Variants in GRIN3B observed in about 807,000 individuals in gnomAD.
The protein encoded by GRIN3B is glutamate ionotropic receptor NMDA type subunit 3B, also known as glutamate receptor ionotropic, NMDA 3B.
Under a neutral mutation model 66.0 loss-of-function variants are expected in GRIN3B, and 77 were observed. The ratio of observed to expected loss-of-function variants is 1.17; its 90% CI spans 0.97 to 1.41. The LOEUF (loss-of-function observed/expected upper bound fraction) is 1.41. GRIN3B is among the 40% of genes most tolerant of loss of function. The pLI is 0.00. For missense variants in GRIN3B, 1,787 were observed against 1,564.5 expected (o/e 1.14, Z -2.40); for synonymous variants, 823 against 749.7 (o/e 1.10, Z -1.60).
intron 2 of GRIN3B, 128 bp from the exon 3 acceptor site, chr19:1,004,393 A>G (rs2038716765): frequency 2.5e-6 from 2 of 784,608 alleles, no homozygotes; most frequent in East Asian, 2.7e-5. Flanking sequence ...GGACACCAGG[A>G]GCGTCCACGT....
In GRIN3B at chr19:1,000,751, C is replaced by G; in HGVS notation, c.314C>G (p.Ala105Gly). ...LVPPGVAALL[A>G]FPEARPELLQ... ...CCTCCGGGCGTGGCGGCCCTGCTCG[C>G]CTTTCCCGAGGCTCGGCCCGAGCTG... The change falls in exon 1 of 9, where the codon GCC becomes GGC. Residue 105 changes from alanine (A) to glycine (G), a missense_variant. Physicochemically the swap from Ala to Gly is moderately conservative, Grantham distance 60 (BLOSUM62 0). Coordinates refer to ENST00000234389, the MANE Select transcript of GRIN3B (RefSeq NM_138690.3). 1 of 1,446,528 alleles carries G rather than the reference C, an allele frequency of 6.9e-7. No homozygotes were observed. Among genetic ancestry groups the G allele is most frequent in the Non-Finnish European group, 9.1e-7 (1 of 1,104,836 alleles). 89.6% of individuals were successfully genotyped at this position (1,446,528 alleles called of 1,614,324 possible). A position where few individuals can be genotyped will look rare whatever the true frequency, so the allele number is the denominator to read the frequency against.
Position 1,000,557 on chromosome 19 carries a change from C to A in GRIN3B, c.120C>A (p.Gly40=). 1 of 1,100,060 alleles carries A rather than the reference C, an allele frequency of 9.1e-7. No individual in the cohort carries two copies. The highest frequency in any genetic ancestry group is 5.1e-5 in the East Asian group (1 of 19,510). The allele number at this position is 1,100,060 out of a possible 1,614,324, so 68.1% of individuals were successfully genotyped here. A position where few individuals can be genotyped will look rare whatever the true frequency, so the allele number is the denominator to read the frequency against. ...LARLGGSVRL[G]ALLPRAPLAR... ...GCCTCGGGGGCTCCGTGCGCCTGGGCGCCCTCCTGCCCCGCGCGCCTCTCG... is the reference window on the plus strand; with the variant it reads ...GCCTCGGGGGCTCCGTGCGCCTGGGAGCCCTCCTGCCCCGCGCGCCTCTCG... Residue 40 remains glycine (G), a synonymous_variant, in exon 1 of 9, where the codon GGC becomes GGA. Transcript: ENST00000234389.
chr19:1,009,179 C>T lies in GRIN3B; in HGVS notation c.2709C>T (p.Pro903=). The part of the protein sequence containing the change: ...EETAEAEPSG[P]EVEQQQQQQD... ...AGGCCGGTTCCGTCCCCAGCGGCCC[C>T]GAGGTGGAGCAGCAGCAGCAGCAGC... Residue 903 remains proline (P), a synonymous_variant, in exon 9 of 9, where the codon CCC becomes CCT. Transcript: ENST00000234389. 6.1e-6 allele frequency: 9 copies of T among 1,471,026 alleles called. No individual in the cohort carries two copies. Among genetic ancestry groups the T allele is most frequent in the Non-Finnish European group, 7.1e-6 (8 of 1,122,618 alleles). 91.1% of individuals were successfully genotyped at this position (1,471,026 alleles called of 1,614,324 possible).
At position 1,009,383 on chromosome 19, in the gene GRIN3B, C is replaced by T. The variant is rs527728136; in HGVS notation, c.2913C>T (p.Ala971=). 8,421 of 1,387,018 alleles carry T rather than the reference C, an allele frequency of 6.1e-3. 32 individuals are homozygous for T. The highest frequency in any genetic ancestry group is 7.0e-3 in the Non-Finnish European group (7,587 of 1,078,164). 85.9% of individuals were successfully genotyped at this position (1,387,018 alleles called of 1,614,324 possible). A position where few individuals can be genotyped will look rare whatever the true frequency, so the allele number is the denominator to read the frequency against. The change falls in exon 9 of 9, where the codon GCC becomes GCT. Residue 971 remains alanine, a synonymous_variant. Transcript: ENST00000234389. ...VWLCSYGRPP[A]ARPTGAPQPG... is the part of the protein sequence containing the mutation. Reference sequence around the variant, plus strand: ...TGTGCTCCTACGGCCGCCCGCCCGCCGCAAGGCCCACGGGGGCCCCCCAGC... The same window carrying T: ...TGTGCTCCTACGGCCGCCCGCCCGCTGCAAGGCCCACGGGGGCCCCCCAGC...
intron 2 of GRIN3B, 140 bp downstream of exon 2, chr19:1,003,862 G>A (rs958099012): frequency 2.3e-5 from 14 of 601,758 alleles, no homozygotes; most frequent in South Asian, 1.0e-4. Flanking sequence ...CGAGGCGAGC[G>A]GATCACTTGA....
In GRIN3B at chr19:1,004,528, G is replaced by T. The variant is rs771277255; in HGVS notation, c.1027G>T (p.Ala343Ser). Residue 343 changes from alanine (A) to serine (S), a missense_variant, in exon 3 of 9, where the codon GCC (alanine) becomes TCC (serine). Transcript: ENST00000234389. ...SPGRFLARFL[A>S]NTSFQGRTGP... ...CCCCCGCCCTGCCCCTAGGTTCCTG[G>T]CCAACACGTCCTTCCAGGGCCGCAC... 2 of 1,597,148 alleles carry T rather than the reference G, an allele frequency of 1.3e-6. No homozygotes were observed. Among genetic ancestry groups the T allele is most frequent in the Admixed American group, 1.7e-5 (1 of 58,290 alleles).
rs554367291 is a variant in GRIN3B at position 1,000,815 on chromosome 19, C to T, written c.378C>T (p.Pro126=). Reference sequence around the variant, plus strand: ...TCCTGGCGGCGGCCACCGAGACCCCCGTGCTCAGCCTGCTGCGGCGGGAGG... The same window carrying T: ...TCCTGGCGGCGGCCACCGAGACCCCTGTGCTCAGCCTGCTGCGGCGGGAGG... The part of the protein sequence containing the change: ...LHFLAAATET[P]VLSLLRREAR... The change falls in exon 1 of 9, where the codon CCC becomes CCT. Residue 126 remains proline (P), a synonymous_variant. Coordinates refer to ENST00000234389, the MANE Select transcript of GRIN3B (RefSeq NM_138690.3). The T allele has an allele frequency of 1.4e-5, 21 of 1,450,816 alleles. No homozygotes were observed. The Admixed American group carries it at 1.6e-4, about 11-fold the overall frequency. The allele number at this position is 1,450,816 out of a possible 1,614,324, so 89.9% of individuals were successfully genotyped here. A position where few individuals can be genotyped will look rare whatever the true frequency, so the allele number is the denominator to read the frequency against.
intron 1 of GRIN3B, 35 bp downstream of exon 1, chr19:1,000,898 C>A: frequency 2.2e-6 from 3 of 1,351,294 alleles, no homozygotes; most frequent in South Asian, 3.5e-5. Flanking sequence ...ACGAGGGGGA[C>A]CCGGGGCGGG....
Position 1,008,509 on chromosome 19 carries a change from C to T in GRIN3B, c.2467-109C>T, listed in dbSNP as rs1202183638. The T allele has an allele frequency of 2.3e-6, 3 of 1,329,156 alleles. No homozygotes were observed. The East Asian group carries it at 7.1e-5, about 32-fold the overall frequency. The allele number at this position is 1,329,156 out of a possible 1,614,324, so 82.3% of individuals were successfully genotyped here. On this transcript the variant is annotated intron_variant, in intron 6 of 8. Transcript: ENST00000234389. ...GAGTCCCTGCCTCCCAACCTGGCTC[C>T]ACTGCCCCAAGCCCCTCTCTCTGGC...
At position 1,009,202 on chromosome 19, in the gene GRIN3B, AGC is replaced by A; in HGVS notation, c.2733_2734del (p.Gln912GlyfsTer83). On this transcript the variant is annotated frameshift_variant, in exon 9 of 9. Coordinates refer to ENST00000234389, the MANE Select transcript of GRIN3B (RefSeq NM_138690.3). LOFTEE classifies it low-confidence loss of function (END_TRUNC). ...CCCGAGGTGGAGCAGCAGCAGCAGCAGCAGGACCAGCCAACGGCTCCGGAGGG... is the reference window on the plus strand; with the variant it reads ...CCCGAGGTGGAGCAGCAGCAGCAGCAAGGACCAGCCAACGGCTCCGGAGGG... The A allele has an allele frequency of 6.8e-7, 1 of 1,478,018 alleles. No homozygotes were observed. Among genetic ancestry groups the A allele is most frequent in the South Asian group, 1.3e-5 (1 of 75,928 alleles). 91.6% of individuals were successfully genotyped at this position (1,478,018 alleles called of 1,614,324 possible).
chr19:1,008,816 C>G (rs771669602), intron 7 of GRIN3B, 34 bp downstream of exon 7: 5 of 1,590,436 alleles, frequency 3.1e-6, no homozygotes, highest in African/African-American at 2.7e-5. Context: ...CGGCCCCACC[C>G]CCCCCGCCTC....
chr19:1,005,648 G>A lies in GRIN3B; in HGVS notation c.2052+95G>A, dbSNP rs1043058729. The A allele has an allele frequency of 2.1e-6, 2 of 938,940 alleles. No individual in the cohort carries two copies. The highest frequency in any genetic ancestry group is 3.3e-5 in the African/African-American group (2 of 60,252). 58.2% of individuals were successfully genotyped at this position (938,940 alleles called of 1,614,324 possible). A position where few individuals can be genotyped will look rare whatever the true frequency, so the allele number is the denominator to read the frequency against. ...GCAGGGGTGGTCAGCTGGACGTGGA[G>A]GACGTCCACTAGGCCAACTCTGGTC... On this transcript the variant is annotated intron_variant, in intron 3 of 8. Coordinates refer to ENST00000234389, the MANE Select transcript of GRIN3B (RefSeq NM_138690.3). This position sits in a 1 kb window ranked among gnomAD's most constrained non-coding sequence, Gnocchi z 5.2.
Position 1,009,548 on chromosome 19 carries a change from AGCGGCCCCCGCG to A in GRIN3B, c.3080_3091del (p.Ala1027_Ala1030del). The stretch of plus-strand genomic sequence containing the variant: ...GGCCTCGGCGCTTGCTTCAGGCCAG[AGCGGCCCCCGCG>A]GAGGCCCCACCACACTCTGGCCGAC... On this transcript the variant is annotated inframe_deletion, in exon 9 of 9. Coordinates refer to ENST00000234389, the MANE Select transcript of GRIN3B (RefSeq NM_138690.3). 1.4e-6 allele frequency: 2 copies of A among 1,474,004 alleles called. No individual in the cohort carries two copies. The highest frequency in any genetic ancestry group is 2.4e-5 in the Admixed American group (1 of 41,820). 91.3% of individuals were successfully genotyped at this position (1,474,004 alleles called of 1,614,324 possible).
rs778120199 is a variant in GRIN3B, at chr19:1,007,687, G to A, written c.2112G>A (p.Ala704=). The A allele has an allele frequency of 8.5e-6, 13 of 1,536,864 alleles. 1 individual carries two copies. Among genetic ancestry groups the A allele is most frequent in the South Asian group, 6.1e-5 (5 of 82,388 alleles). The stretch of plus-strand genomic sequence containing the variant: ...CCGTGTGGGAGAGCAGCGCCGAGGC[G>A]TACATCAAGAAGAGCTTCCCCGACA... ...FGTVWESSAE[A]YIKKSFPDMH... Residue 704 remains alanine (A), a synonymous_variant, in exon 4 of 9, where the codon GCG becomes GCA. Coordinates refer to ENST00000234389, the MANE Select transcript of GRIN3B (RefSeq NM_138690.3). The surrounding 1 kb of genome is among the most constrained non-coding windows in gnomAD (Gnocchi z 4.4).
In GRIN3B at chr19:1,008,011, G is replaced by C. The variant is rs1446256342; in HGVS notation, c.2314+40G>C. 3.8e-6 allele frequency: 6 copies of C among 1,598,536 alleles called. No individual in the cohort carries two copies. In the Admixed American group the frequency reaches 5.0e-5, roughly 13 times the overall value. ...GGCGAGGCGGGGCGCCGGGGTCTCT[G>C]GGGACCTCCTGGGGGCAGTGGGGAG... On this transcript the variant is annotated intron_variant, in intron 5 of 8. Transcript: ENST00000234389.
Position 1,007,819 on chromosome 19 carries a change from C to T in GRIN3B, c.2199-37C>T. 1 of 1,547,554 alleles carries T rather than the reference C, an allele frequency of 6.5e-7. No individual in the cohort carries two copies. Among genetic ancestry groups the T allele is most frequent in the Non-Finnish European group, 8.7e-7 (1 of 1,145,822 alleles). ...AGGCGGGGGCGGGGCGTGGGGTGGG[C>T]GGGGCGATGGCTGACCCCCGCCCCC... On this transcript the variant is annotated intron_variant, in intron 4 of 8. Transcript: ENST00000234389. The surrounding 1 kb of genome is among the most constrained non-coding windows in gnomAD (Gnocchi z 4.4).
In GRIN3B at chr19:1,009,583, G is replaced by T. The variant is rs540917137; in HGVS notation, c.3113G>T (p.Arg1038Leu). Residue 1038 changes from arginine to leucine, a missense_variant, in exon 9 of 9, where the codon CGA becomes CTA. Physicochemically the swap from Arg to Leu is moderately radical, Grantham distance 102. Coordinates refer to ENST00000234389, the MANE Select transcript of GRIN3B (RefSeq NM_138690.3). ...GCGGAGGCCCCACCACACTCTGGCC[G>T]ACCGGGGAGCCAGGAATGAGGCGGC... ...APAEAPPHSG[R>L]PGSQE is the part of the protein sequence containing the mutation. 59 of 1,442,624 alleles carry T rather than the reference G, an allele frequency of 4.1e-5. No homozygotes were observed. The East Asian group carries it at 1.2e-3, about 30-fold the overall frequency. 89.4% of individuals were successfully genotyped at this position (1,442,624 alleles called of 1,614,324 possible).
chr19:1,005,474 C>A lies in GRIN3B; in HGVS notation c.1973C>A (p.Ser658Tyr), dbSNP rs753685745. 10 of 1,613,368 alleles carry A rather than the reference C, an allele frequency of 6.2e-6. No homozygotes were observed. In the East Asian group the frequency reaches 2.2e-4, roughly 36 times the overall value. The part of the protein sequence containing the change: ...LWAIFCLLVL[S>Y]SYTANLAAVM... The stretch of plus-strand genomic sequence containing the variant: ...GCCATCTTCTGCCTGCTGGTGCTGT[C>A]CAGCTACACGGCCAACCTGGCTGCC... Residue 658 changes from serine (S) to tyrosine (Y), a missense_variant, in exon 3 of 9, where the codon TCC (serine) becomes TAC (tyrosine). By Grantham distance (144) the Ser-to-Tyr change is moderately radical. Transcript: ENST00000234389. The surrounding 1 kb of genome is among the most constrained non-coding windows in gnomAD (Gnocchi z 5.2).
Position 1,004,904 on chromosome 19 carries a change from C to T in GRIN3B, c.1403C>T (p.Ala468Val), listed in dbSNP as rs750543592. ...ALFAALANGS[A>V]PRALRKCCYG... ...TTCGCCGCGCTGGCCAACGGCTCAG[C>T]GCCCCGTGCCCTGCGCAAGTGCTGC... Residue 468 changes from alanine (A) to valine (V), a missense_variant, in exon 3 of 9, where the codon GCG becomes GTG. By Grantham distance (64) the Ala-to-Val change is moderately conservative (BLOSUM62 0). Coordinates refer to ENST00000234389, the MANE Select transcript of GRIN3B (RefSeq NM_138690.3). 17 of 1,605,560 alleles carry T rather than the reference C, an allele frequency of 1.1e-5. No homozygotes were observed. The highest frequency in any genetic ancestry group is 3.4e-5 in the Admixed American group (2 of 59,226).
Sources: allele counts gnomAD v4.1 joint callset, GRCh38; gene constraint gnomAD v4.1.1; non-coding constraint Gnocchi (gnomAD v3.1); transcripts MANE v1.5; gene names NCBI Gene and HGNC (gene_info 2026-07-23, HGNC 2026-07-21).